Variants in KIRREL2 observed in about 807,000 individuals in gnomAD.
KIRREL2 encodes kin of IRRE-like protein 2.
KIRREL2 carries 56 observed loss-of-function variants against 73.4 expected under a neutral mutation model. The observed-to-expected ratio is 0.76, with a 90% CI of 0.62 to 0.95. KIRREL2 has a LOEUF of 0.95. KIRREL2 is among the 40% of genes least tolerant of loss of function. The pLI is 0.00. For synonymous variants in KIRREL2, 407 were observed against 404.0 expected (o/e 1.01, Z -0.09); for missense variants, 896 against 935.0 (o/e 0.96, Z 0.54).
Position 35,861,253 on chromosome 19 carries a change from C to T in KIRREL2, c.1188C>T (p.Asn396=). ...CCGCGGAGGCTCGGCTGACTGTGAACGGTGAGAAGGCGGGGCTTCCTAGGG... is the reference window on the plus strand; with the variant it reads ...CCGCGGAGGCTCGGCTGACTGTGAATGGTGAGAAGGCGGGGCTTCCTAGGG... ...GGAAEARLTV[N]APPVVTALHS... The change falls in exon 9 of 15, where the codon AAC becomes AAT. Residue 396 remains asparagine, a splice_region_variant and synonymous_variant. Transcript: ENST00000360202. 2 of 1,527,488 alleles carry T rather than the reference C, an allele frequency of 1.3e-6. No homozygotes were observed. Among genetic ancestry groups the T allele is most frequent in the African/African-American group, 1.4e-5 (1 of 72,128 alleles). The allele number at this position is 1,527,488 out of a possible 1,614,324, so 94.6% of individuals were successfully genotyped here. A position where few individuals can be genotyped will look rare whatever the true frequency, so the allele number is the denominator to read the frequency against.
Position 35,861,153 on chromosome 19 carries a change from C to T in KIRREL2, c.1088C>T (p.Pro363Leu). Residue 363 changes from proline to leucine, a missense_variant, in exon 9 of 15, where the codon CCG becomes CTG. By Grantham distance (98) the Pro-to-Leu change is moderately conservative. Transcript: ENST00000360202. ...GGCTCTGGAGCCACACTGCGTCTTC[C>T]GTCGGTGGGGCCCGAGGACGCAGGC... ...VLGSGATLRL[P>L]SVGPEDAGDY... 6.3e-7 allele frequency: 1 copy of T among 1,594,466 alleles called. No homozygotes were observed. The highest frequency in any genetic ancestry group is 1.3e-5 in the African/African-American group (1 of 74,238).
intron 13 of KIRREL2, 46 bp from the exon 14 acceptor site, chr19:35,864,602 G>C: frequency 6.6e-7 from 1 of 1,507,980 alleles, no homozygotes; most frequent in East Asian, 2.3e-5. Flanking sequence ...GCATTGGGGC[G>C]GGGGGATCCT....
At chr19:35,855,656 TACACACACACACAC>T (rs57458964), upstream of KIRREL2, among the ~76,000 whole-genome samples, 572 of 84,918 alleles carry the variant, frequency 6.7e-3, 7 homozygotes, top group African/African-American at 0.013. Context: ...CACCTCCCCA[TACACACACACACAC>T]ACACACACAC....
At chr19:35,862,665 C>G (rs1317174732) in intron 12 of KIRREL2, 68 bp downstream of exon 12, 33 of 1,174,990 alleles carry the variant, frequency 2.8e-5, no homozygotes, top group Non-Finnish European at 3.9e-5. Flanking sequence ...TGCCCAGTGA[C>G]CTGACCTGGC....
intron 9 of KIRREL2, 104 bp downstream of exon 9, chr19:35,861,358 C>A: frequency 6.7e-7 from 1 of 1,500,004 alleles, no homozygotes; most frequent in Non-Finnish European, 8.9e-7. Context: ...AGGAGCTTTA[C>A]ACCCAGCGGG....
At position 35,865,405 on chromosome 19, in the gene KIRREL2, C is replaced by T. The variant is rs532586462; in HGVS notation, c.1791+692C>T. ...ACCTCAAGTGATCCGCTCGCCCCAG[C>T]CTCCCAAAGTGCTGGGATTACAGGC... On this transcript the variant is annotated intron_variant, in intron 14 of 14. Transcript: ENST00000360202. Among the ~76,000 whole-genome samples the T allele has an allele frequency of 5.3e-5, 8 of 152,278 alleles. No individual in the cohort carries two copies. In the East Asian group the frequency reaches 1.4e-3, roughly 26 times the overall value.
At chr19:35,860,718 G>A (rs756688588) in intron 7 of KIRREL2, 51 bp downstream of exon 7, 75 of 1,596,420 alleles carry the variant, frequency 4.7e-5, no homozygotes, top group Non-Finnish European at 5.9e-5. Flanking sequence ...GTGGCTTTCA[G>A]GGCTGTTGAG....
At chr19:35,863,776 T>G (rs1973820429) in intron 13 of KIRREL2, among the ~76,000 whole-genome samples, 2 of 142,116 alleles carry the variant, frequency 1.4e-5, no homozygotes, top group Admixed American at 1.5e-4. Context: ...TTTTTTTTTC[T>G]TTCTTTCTTT....
rs1005513703 is a variant in KIRREL2, at chr19:35,858,901, G to C, written c.522+37G>C. 5.6e-6 allele frequency: 9 copies of C among 1,610,128 alleles called. No homozygotes were observed. In the African/African-American group the frequency reaches 1.1e-4, roughly 19 times the overall value. On this transcript the variant is annotated intron_variant, in intron 4 of 14. Coordinates refer to ENST00000360202, the MANE Select transcript of KIRREL2 (RefSeq NM_199180.4). Reference sequence around the variant, plus strand: ...ATTCCTGTGCTAGCCTTTGCCCATTGAGGGAAACTTGGGTTACACTCTGAC... The same window carrying C: ...ATTCCTGTGCTAGCCTTTGCCCATTCAGGGAAACTTGGGTTACACTCTGAC...
intron 4 of KIRREL2, among the ~76,000 whole-genome samples, chr19:35,859,150 G>T (rs1197228344): frequency 6.6e-6 from 1 of 152,040 alleles, no homozygotes; most frequent in Non-Finnish European, 1.5e-5. Context: ...CATGTCATAG[G>T]GTATTGTGAG....
upstream of KIRREL2, among the ~76,000 whole-genome samples, chr19:35,854,351 C>T (rs189361910): frequency 8.6e-5 from 13 of 151,302 alleles, no homozygotes; most frequent in African/African-American, 3.2e-4. Context: ...GATGGAGTTT[C>T]ACTCTTGTTG....
At chr19:35,854,787 C>T (rs1346807411), upstream of KIRREL2, among the ~76,000 whole-genome samples, 1 of 152,116 alleles carries the variant, frequency 6.6e-6, no homozygotes, top group Non-Finnish European at 1.5e-5. Flanking sequence ...CCCCTCACCC[C>T]ACAGTCTGTC....
intron 11 of KIRREL2, 56 bp from the exon 12 acceptor site, chr19:35,862,437 C>A: frequency 7.7e-7 from 1 of 1,291,030 alleles, no homozygotes; most frequent in Non-Finnish European, 1.1e-6. Flanking sequence ...ATCCCTGAGC[C>A]CCCGCTTCCT....
Position 35,856,992 on chromosome 19 carries a change from A to G in KIRREL2, c.-128A>G. ...GCAGACTTGGAGGACTCCAGGCCAG[A>G]GACTAGGCTGGGCGAAGAGTCGAGC... On this transcript the variant is annotated 5_prime_UTR_variant, in exon 1 of 15. Coordinates refer to ENST00000360202, the MANE Select transcript of KIRREL2 (RefSeq NM_199180.4). This position sits in a 1 kb window ranked among gnomAD's most constrained non-coding sequence, Gnocchi z 5.9. 1.0e-6 allele frequency: 1 copy of G among 953,554 alleles called. No homozygotes were observed. Among genetic ancestry groups the G allele is most frequent in the Non-Finnish European group, 1.7e-6 (1 of 592,536 alleles). 59.1% of individuals were successfully genotyped at this position (953,554 alleles called of 1,614,324 possible).
At chr19:35,861,774 C>G in intron 10 of KIRREL2, 31 bp from the exon 11 acceptor site, 2 of 1,587,192 alleles carry the variant, frequency 1.3e-6, no homozygotes, top group Non-Finnish European at 8.6e-7. Flanking sequence ...TCCTCAGTCT[C>G]CTCCGTGTCC....
In KIRREL2 at chr19:35,866,296, C is replaced by G; in HGVS notation, c.1931C>G (p.Pro644Arg). The G allele has an allele frequency of 6.2e-7, 1 of 1,613,018 alleles. No individual in the cohort carries two copies. The highest frequency in any genetic ancestry group is 1.3e-5 in the African/African-American group (1 of 74,960). ...PGTPTFYDFN[P>R]HLGMVPPCRL... ...ACCCCTACCTTCTATGACTTCAACC[C>G]ACACCTGGGCATGGTCCCCCCCTGC... Residue 644 changes from proline to arginine, a missense_variant, in exon 15 of 15, where the codon CCA becomes CGA. Transcript: ENST00000360202.
chr19:35,857,086 T>C lies in KIRREL2; in HGVS notation c.-34T>C. ...AGGAAGAAGTTGACGGGAAGGCCAGTGCGACGGCAAATCTCGTGAACCTTG... is the reference window on the plus strand; with the variant it reads ...AGGAAGAAGTTGACGGGAAGGCCAGCGCGACGGCAAATCTCGTGAACCTTG... On this transcript the variant is annotated 5_prime_UTR_variant, in exon 1 of 15. Transcript: ENST00000360202. 1 of 1,612,888 alleles carries C rather than the reference T, an allele frequency of 6.2e-7. No homozygotes were observed. The highest frequency in any genetic ancestry group is 1.3e-5 in the African/African-American group (1 of 74,898).
upstream of KIRREL2, among the ~76,000 whole-genome samples, chr19:35,852,151 A>C (rs1180813841): frequency 1.1e-4 from 13 of 120,166 alleles, no homozygotes; most frequent in Non-Finnish European, 1.7e-4. Context: ...TTGATCTCAG[A>C]CTCTTTCCTT....
upstream of KIRREL2, among the ~76,000 whole-genome samples, chr19:35,854,838 A>G (rs1599852714): frequency 1.3e-5 from 2 of 152,090 alleles, no homozygotes; most frequent in Non-Finnish European, 2.9e-5. Context: ...GTTCTCAGCC[A>G]CACTCTGACC....
Sources: gnomAD v4.1 joint callset for allele counts (sites outside exome capture counted in the v4.1 genomes callset) on GRCh38, gnomAD v4.1.1 for gene constraint, Gnocchi (gnomAD v3.1) non-coding constraint, MANE v1.5 for transcripts, NCBI Gene and HGNC (gene_info 2026-07-23, HGNC 2026-07-21) for gene names.